The following PIK3AP1 variants were observed in gnomAD, a reference collection of about 807,000 sequenced individuals.
The protein encoded by PIK3AP1 is phosphoinositide 3-kinase adapter protein 1.
A neutral mutation model predicts 88.1 loss-of-function variants in PIK3AP1; 21 were observed. That is an observed-to-expected ratio of 0.24 (90% confidence interval 0.17 to 0.34). PIK3AP1 has a LOEUF of 0.34. Ranked by LOEUF, PIK3AP1 falls within the 10% of genes least tolerant of loss-of-function variation. PIK3AP1 has a pLI of 1.00. For missense variants in PIK3AP1, 828 were observed against 1,035.7 expected (o/e 0.80, Z 2.75); for synonymous variants, 398 against 400.0 (o/e 1.00, Z 0.06).
intron 2 of PIK3AP1, among the ~76,000 whole-genome samples, chr10:96,700,063 G>A (rs1056723217): frequency 2.0e-5 from 3 of 152,176 alleles, no homozygotes; most frequent in Non-Finnish European, 4.4e-5. Context: ...AGAAAATTCA[G>A]ACAGAGACAG....
At chr10:96,601,551 A>G (rs1848895870) in intron 16 of PIK3AP1, among the ~76,000 whole-genome samples, 1 of 150,552 alleles carries the variant, frequency 6.6e-6, no homozygotes, top group African/African-American at 2.4e-5. Context: ...TAGCTGCTGG[A>G]GACTTGACCC....
chr10:96,629,930 A>AAAAAAAAAAAAAAAAAAAAAAAAG (rs776780994), intron 8 of PIK3AP1, among the ~76,000 whole-genome samples: 1 of 13,724 alleles, frequency 7.3e-5, no homozygotes, highest in Non-Finnish European at 1.6e-4. Context: ...AAAAAAAAAA[A>AAAAAAAAAAAAAAAAAAAAAAAAG]AAGAAGAAGA....
intron 8 of PIK3AP1, among the ~76,000 whole-genome samples, chr10:96,641,376 G>A (rs1843387365): frequency 6.6e-6 from 1 of 152,180 alleles, no homozygotes; most frequent in Admixed American, 6.5e-5. Context: ...GATCTCCAAA[G>A]CAGTGATCTG....
At chr10:96,687,467 T>G (rs972803995) in intron 2 of PIK3AP1, among the ~76,000 whole-genome samples, 3 of 152,098 alleles carry the variant, frequency 2.0e-5, no homozygotes, top group Admixed American at 1.3e-4. Context: ...GCAGTGATTT[T>G]GGGTTGTGTA....
At chr10:96,689,431 G>C (rs982859082) in intron 2 of PIK3AP1, among the ~76,000 whole-genome samples, 5 of 151,548 alleles carry the variant, frequency 3.3e-5, no homozygotes, top group Non-Finnish European at 7.4e-5. Context: ...TTAGCTGGGC[G>C]TGGTGGCGGG....
rs1849078113 is a variant in PIK3AP1, at chr10:96,609,871, G to A, written c.2015-4C>T. ...ATTGGGACCGTGATCTCCAAGTCTG[G>A]AATTGGAGGAAAGAGGGATAAGCTG... On this transcript the variant is annotated splice_polypyrimidine_tract_variant and splice_region_variant and intron_variant, in intron 13 of 16. Transcript: ENST00000339364. 2 of 1,613,906 alleles carry A rather than the reference G, an allele frequency of 1.2e-6. No homozygotes were observed. The highest frequency in any genetic ancestry group is 4.5e-5 in the East Asian group (2 of 44,876).
intron 1 of PIK3AP1, among the ~76,000 whole-genome samples, chr10:96,718,025 A>G (rs930972741): frequency 1.8e-4 from 27 of 152,230 alleles, no homozygotes; most frequent in African/African-American, 6.3e-4. Context: ...AACTTTGAAA[A>G]TATTATGCTG....
At chr10:96,699,640 A>T (rs971830401) in intron 2 of PIK3AP1, among the ~76,000 whole-genome samples, 6 of 152,170 alleles carry the variant, frequency 3.9e-5, no homozygotes, top group African/African-American at 1.4e-4. Context: ...AATATAATAG[A>T]TGCTCCATAA....
rs142487535 is a variant in PIK3AP1, at chr10:96,676,868, C to T, written c.431-19934G>A. On this transcript the variant is annotated intron_variant, in intron 2 of 16. Coordinates refer to ENST00000339364, the MANE Select transcript of PIK3AP1 (RefSeq NM_152309.3). ...AGCTGGAATCTAACCCTTGAGCTGC[C>T]GGTGTCAACCTGAGATTGGACAGCA... Among the ~76,000 whole-genome samples the T allele has an allele frequency of 1.6e-4, 25 of 152,136 alleles. No individual in the cohort carries two copies. In the East Asian group the frequency reaches 4.3e-3, roughly 26 times the overall value.
chr10:96,678,425 A>G (rs576494136), intron 2 of PIK3AP1, among the ~76,000 whole-genome samples: 1 of 152,084 alleles, frequency 6.6e-6, no homozygotes, highest in East Asian at 1.9e-4. Context: ...ACAGAGTGAG[A>G]TCCTGTCTCA....
chr10:96,626,589 T>C, intron 10 of PIK3AP1, 119 bp downstream of exon 10: 1 of 1,116,296 alleles, frequency 9.0e-7, no homozygotes, highest in Non-Finnish European at 1.3e-6. Context: ...TAGGGCTGGT[T>C]GAAGACCATT....
intron 8 of PIK3AP1, among the ~76,000 whole-genome samples, chr10:96,632,407 AT>A (rs35406169): frequency 0.082 from 11,962 of 145,888 alleles, 504 homozygotes; most frequent in African/African-American, 0.12. Context: ...TTTCAAAATA[AT>A]TTTTTTTTTT....
intron 10 of PIK3AP1, among the ~76,000 whole-genome samples, chr10:96,623,955 G>A (rs1843121418): frequency 6.6e-6 from 1 of 152,222 alleles, no homozygotes; most frequent in South Asian, 2.1e-4. Context: ...GCTCCAAAGA[G>A]ATTAAGGTGA....
chr10:96,633,452 T>C (rs747104038), intron 8 of PIK3AP1, among the ~76,000 whole-genome samples: 34 of 152,246 alleles, frequency 2.2e-4, no homozygotes, highest in Admixed American at 2.1e-3. Flanking sequence ...AAAATGGTGA[T>C]AGTAATAGTA....
At chr10:96,709,425 A>T in intron 2 of PIK3AP1, 142 bp downstream of exon 2, 1 of 1,030,942 alleles carries the variant, frequency 9.7e-7, no homozygotes, top group Non-Finnish European at 1.4e-6. Flanking sequence ...CCCACCCCAG[A>T]AATAGGCTGC....
chr10:96,683,806 A>G (rs1310425611), intron 2 of PIK3AP1, among the ~76,000 whole-genome samples: 1 of 152,230 alleles, frequency 6.6e-6, no homozygotes, highest in Non-Finnish European at 1.5e-5. Flanking sequence ...TTACTTTTCT[A>G]ATTCATAGGA....
intron 2 of PIK3AP1, among the ~76,000 whole-genome samples, chr10:96,694,507 C>T (rs1452309981): frequency 6.7e-6 from 1 of 150,082 alleles, no homozygotes; most frequent in Non-Finnish European, 1.5e-5. Flanking sequence ...CCTTCCCCTC[C>T]CCTTCGCTTC....
At chr10:96,687,076 G>A (rs1844078871) in intron 2 of PIK3AP1, among the ~76,000 whole-genome samples, 1 of 151,818 alleles carries the variant, frequency 6.6e-6, no homozygotes, top group Admixed American at 6.6e-5. Context: ...CTAATACGGT[G>A]AAACCCCGTC....
At chr10:96,633,082 C>A in intron 8 of PIK3AP1, 2 of 1,564,352 alleles carry the variant, frequency 1.3e-6, no homozygotes, top group East Asian at 2.4e-5. Context: ...CAATTTCTCT[C>A]ATAGCAACTC....
Sources: allele counts gnomAD v4.1 joint callset (sites outside exome capture counted in the v4.1 genomes callset), GRCh38; gene constraint gnomAD v4.1.1; transcripts MANE v1.5; gene names NCBI Gene and HGNC (gene_info 2026-07-23, HGNC 2026-07-21).